Variants in NDC80 observed in about 807,000 individuals in gnomAD.
NDC80 encodes the protein NDC80 kinetochore complex component.
NDC80 carries 69 observed loss-of-function variants against 89.3 expected under a neutral mutation model. The observed-to-expected ratio is 0.77, with a 90% CI of 0.64 to 0.94. The LOEUF (loss-of-function observed/expected upper bound fraction) is 0.94. Among genes scored for constraint, NDC80 ranks in the 40% least tolerant of loss-of-function variants. The pLI, the probability that NDC80 is intolerant of heterozygous loss-of-function variation, is 0.00. For missense variants in NDC80, 593 were observed against 739.6 expected, an observed-to-expected ratio of 0.80 and a Z score of 2.30; for synonymous variants, 243 against 255.6, an observed-to-expected ratio of 0.95 and a Z score of 0.47.
chr18:2,603,245 C>G (rs1001939211), intron 13 of NDC80, among the ~76,000 whole-genome samples: 1 of 151,328 alleles, frequency 6.6e-6, no homozygotes, highest in African/African-American at 2.4e-5. Flanking sequence ...GGATTGAATC[C>G]TAAAGAGTAA....
intron 8 of NDC80, 80 bp from the exon 9 acceptor site, chr18:2,589,124 A>T: frequency 1.2e-6 from 1 of 862,376 alleles, no homozygotes; most frequent in Admixed American, 1.9e-5. Flanking sequence ...GAAGTGAGGG[A>T]GGGAGTAATG....
rs2072619731 is a variant in NDC80 at position 2,590,027 on chromosome 18, G to C, written c.880G>C (p.Glu294Gln). Residue 294 changes from glutamate to glutamine, a missense_variant, in exon 10 of 17, where the codon GAG becomes CAG. Coordinates refer to ENST00000261597, the MANE Select transcript of NDC80 (RefSeq NM_006101.3). ...TTCTTTTCTCTTAAAGAATCGTCTA[G>C]AGTCGTTGAGAAAACTGAAGGCTTC... is the stretch of plus-strand genomic sequence containing the variant. ...QEREKEPNRL[E>Q]SLRKLKASLQ... The C allele has an allele frequency of 2.5e-6, 4 of 1,597,446 alleles. No homozygotes were observed. The highest frequency in any genetic ancestry group is 3.4e-6 in the Non-Finnish European group (4 of 1,172,442).
chr18:2,608,553 T>C, intron 14 of NDC80, 147 bp from the exon 15 acceptor site: 1 of 825,420 alleles, frequency 1.2e-6, no homozygotes, highest in South Asian at 2.5e-5. Flanking sequence ...CTTTAAAGTC[T>C]CTTGCATGTA....
rs542320666 is a variant in NDC80 at position 2,578,017 on chromosome 18, C to T, written c.352C>T (p.Gln118Ter). 1.2e-6 allele frequency: 2 copies of T among 1,614,084 alleles called. No individual in the cohort carries two copies. The highest frequency in any genetic ancestry group is 1.7e-5 in the Admixed American group (1 of 60,024). Reference protein sequence around the residue: ...YAHNVSMKSLQAPSVKDFLKI... With the variant: ...YAHNVSMKSL ...ACATAATGTGTCCATGAAATCTCTA[C>T]AAGCTCCCTCTGTTAAAGACTTCCT... Residue 118 changes from glutamine to a stop codon, truncating the protein, a stop_gained, in exon 5 of 17, where the codon CAA (glutamine) becomes TAA (stop). Transcript: ENST00000261597. LOFTEE classifies it high-confidence loss of function.
intron 7 of NDC80, among the ~76,000 whole-genome samples, chr18:2,587,407 A>G (rs567135444): frequency 5.9e-5 from 9 of 152,346 alleles, no homozygotes; most frequent in Non-Finnish European, 1.0e-4. Flanking sequence ...GGTTTTTACA[A>G]TTAGACCTTA....
At chr18:2,586,231 A>C (rs915693195) in intron 7 of NDC80, among the ~76,000 whole-genome samples, 18 of 152,214 alleles carry the variant, frequency 1.2e-4, no homozygotes, top group African/African-American at 4.3e-4. Flanking sequence ...TCAACTGACT[A>C]GTGTTGGCAT....
At chr18:2,573,491 A>AGG (rs2072530617) in intron 2 of NDC80, among the ~76,000 whole-genome samples, 1 of 152,222 alleles carries the variant, frequency 6.6e-6, no homozygotes, top group Non-Finnish European at 1.5e-5. Context: ...ATAAGGTATA[A>AGG]TATAGTAGCA....
intron 2 of NDC80, among the ~76,000 whole-genome samples, chr18:2,574,759 C>G (rs2072537085): frequency 6.6e-6 from 1 of 152,160 alleles, no homozygotes; most frequent in Non-Finnish European, 1.5e-5. Context: ...AGGGTACATA[C>G]ACCAGAGGGA....
At position 2,577,687 on chromosome 18, in the gene NDC80, T is replaced by C. The variant is rs576711884; in HGVS notation, c.180-59T>C. The C allele has an allele frequency of 1.1e-4, 178 of 1,588,924 alleles. No homozygotes were observed. The African/African-American group carries it at 2.1e-3, about 19-fold the overall frequency. On this transcript the variant is annotated intron_variant, in intron 3 of 16. Transcript: ENST00000261597. ...AAAATGCAAAACTGCCTTGAAATAATTTAGACTTGATCACAGAAGCAAATA... is the reference window on the plus strand; with the variant it reads ...AAAATGCAAAACTGCCTTGAAATAACTTAGACTTGATCACAGAAGCAAATA...
At chr18:2,593,592 C>G (rs1461944850) in intron 10 of NDC80, 1 of 158,378 alleles carries the variant, frequency 6.3e-6, no homozygotes, top group Non-Finnish European at 1.4e-5. Context: ...TCACAGTTCT[C>G]AGACAATAAC....
intron 16 of NDC80, among the ~76,000 whole-genome samples, chr18:2,613,744 T>C (rs1387514590): frequency 6.6e-6 from 1 of 152,194 alleles, no homozygotes; most frequent in African/African-American, 2.4e-5. Context: ...AATTTACCTT[T>C]CTTAAAATTA....
At chr18:2,608,898 A>G in intron 15 of NDC80, 68 bp downstream of exon 15, 1 of 1,509,564 alleles carries the variant, frequency 6.6e-7, no homozygotes, top group Non-Finnish European at 9.0e-7. Flanking sequence ...CCATAAAATT[A>G]GATCTATTTT....
Position 2,599,096 on chromosome 18 carries a change from A to G in NDC80, c.1299A>G (p.Lys433=). The change falls in exon 12 of 17, where the codon AAA becomes AAG. Residue 433 remains lysine, a synonymous_variant. Transcript: ENST00000261597. ...KLIPKGAENS[K]GYDFEIKFNP... is the part of the protein sequence containing the mutation. ...TTCCTAAAGGTGCTGAGAATTCCAA[A>G]GGTTATGACTTTGAAATTAAGTTTA... 1 of 1,613,214 alleles carries G rather than the reference A, an allele frequency of 6.2e-7. No homozygotes were observed. The highest frequency in any genetic ancestry group is 8.5e-7 in the Non-Finnish European group (1 of 1,179,536).
Position 2,608,700 on chromosome 18 carries a change from G to A in NDC80, c.1558G>A (p.Glu520Lys). 1.2e-6 allele frequency: 2 copies of A among 1,610,554 alleles called. No homozygotes were observed. Among genetic ancestry groups the A allele is most frequent in the East Asian group, 2.2e-5 (1 of 44,786 alleles). The change falls in exon 15 of 17, where the codon GAA becomes AAA. Residue 520 changes from glutamate (E) to lysine (K), a missense_variant and splice_region_variant. Transcript: ENST00000261597. ...CATAACCGTGACTTTATCCTGATAG[G>A]AAGCAGAGGAAGAGGATGAAAAATG... The part of the protein sequence containing the change: ...LDDLYQQKIK[E>K]AEEEDEKCAS...
chr18:2,597,207 A>T (rs574834976), intron 11 of NDC80, among the ~76,000 whole-genome samples: 79 of 151,606 alleles, frequency 5.2e-4, no homozygotes, highest in African/African-American at 1.6e-3. Flanking sequence ...AAAATAAAAT[A>T]AAATAAAATA....
At chr18:2,575,163 G>A (rs923695684) in intron 3 of NDC80, 97 bp downstream of exon 3, 4 of 869,286 alleles carry the variant, frequency 4.6e-6, no homozygotes, top group Non-Finnish European at 7.2e-6. Context: ...GGTTCCTTTC[G>A]AGAGAAAAGT....
intron 6 of NDC80, chr18:2,582,224 C>T (rs1317530834): frequency 6.6e-6 from 1 of 152,070 alleles, no homozygotes; most frequent in Non-Finnish European, 1.5e-5. Context: ...TTACAGGTGC[C>T]CACCACCACG....
Position 2,583,380 on chromosome 18 carries a change from G to T in NDC80, c.580-1733G>T, listed in dbSNP as rs576727550. On this transcript the variant is annotated intron_variant, in intron 6 of 16. Transcript: ENST00000261597. ...GATTCTGTTCCTTATCTTGGGTTCT[G>T]CCCTACATGTCTTTCAGACATTATT... Among the ~76,000 whole-genome samples the T allele has an allele frequency of 3.3e-5, 5 of 152,238 alleles. No homozygotes were observed. In the East Asian group the frequency reaches 5.8e-4, roughly 18 times the overall value.
At chr18:2,598,917 A>G in intron 11 of NDC80, 102 bp from the exon 12 acceptor site, 4 of 1,162,984 alleles carry the variant, frequency 3.4e-6, no homozygotes, top group East Asian at 5.1e-5. Flanking sequence ...AACTACTAAA[A>G]ATAGGTGTGA....
Sources: allele counts gnomAD v4.1 joint callset (sites outside exome capture counted in the v4.1 genomes callset), GRCh38; gene constraint gnomAD v4.1.1; transcripts MANE v1.5; gene names NCBI Gene and HGNC (gene_info 2026-07-23, HGNC 2026-07-21).